OR4D1: variants seen among roughly 807,000 people sequenced by gnomAD.
The protein encoded by OR4D1 is olfactory receptor family 4 subfamily D member 1, also known as olfactory receptor 4D1.
OR4D1 carries 10 observed loss-of-function variants against 14.2 expected under a neutral mutation model. That is an observed-to-expected ratio of 0.71 (90% CI 0.44 to 1.20). The LOEUF is 1.20. OR4D1 is among the 50% of genes most tolerant of loss of function. The probability of loss-of-function intolerance (pLI) is 0.00; values close to 1 mark genes in which losing one functional copy is unlikely to be tolerated. For missense variants in OR4D1, 345 were observed against 376.6 expected (o/e 0.92, Z 0.70); for synonymous variants, 141 against 147.4 (o/e 0.96, Z 0.32).
Position 58,157,137 on chromosome 17 carries a change from T to G in OR4D1, c.*1051T>G, listed in dbSNP as rs941791346. The G allele has an allele frequency of 6.8e-6, 10 of 1,476,356 alleles. No homozygotes were observed. Among genetic ancestry groups the G allele is most frequent in the Non-Finnish European group, 9.0e-6 (10 of 1,109,246 alleles). 91.5% of individuals were successfully genotyped at this position (1,476,356 alleles called of 1,614,324 possible). A position where few individuals can be genotyped will look rare whatever the true frequency, so the allele number is the denominator to read the frequency against. ...CCGCGTCAAGGTCTCCAGCCTGCCC[T>G]ACAGTGTGGATGCGCTCGTGTCGGA... On this transcript the variant is annotated 3_prime_UTR_variant, in exon 4 of 4. Transcript: ENST00000268912.
Position 58,157,137 on chromosome 17 carries a change from T to C in OR4D1, c.*1051T>C, listed in dbSNP as rs941791346. The C allele has an allele frequency of 6.8e-7, 1 of 1,476,356 alleles. No homozygotes were observed. Among genetic ancestry groups the C allele is most frequent in the African/African-American group, 1.4e-5 (1 of 71,186 alleles). 91.5% of individuals were successfully genotyped at this position (1,476,356 alleles called of 1,614,324 possible). A position where few individuals can be genotyped will look rare whatever the true frequency, so the allele number is the denominator to read the frequency against. On this transcript the variant is annotated 3_prime_UTR_variant, in exon 4 of 4. Transcript: ENST00000268912. Reference sequence around the variant, plus strand: ...CCGCGTCAAGGTCTCCAGCCTGCCCTACAGTGTGGATGCGCTCGTGTCGGA... The same window carrying C: ...CCGCGTCAAGGTCTCCAGCCTGCCCCACAGTGTGGATGCGCTCGTGTCGGA...
chr17:58,157,680 G>C lies in OR4D1; in HGVS notation c.*1594G>C. The C allele has an allele frequency of 6.2e-7, 1 of 1,613,854 alleles. No homozygotes were observed. On this transcript the variant is annotated 3_prime_UTR_variant, in exon 4 of 4. Coordinates refer to ENST00000268912, the MANE Select transcript of OR4D1 (RefSeq NM_001386095.1). ...AGCTTCAGTCTCCCTTTCCCCATCA[G>C]CTCGCCCCTGCAGGCAGCGTCCATA... is the stretch of plus-strand genomic sequence containing the variant.
Position 58,158,716 on chromosome 17 carries a change from T to G in OR4D1, c.*2630T>G, listed in dbSNP as rs1364904301. ...TCACAGATTGCAAAGATTATTTGGG[T>G]GGGGGGGTACAGTAATTTTCTGCTT... is the stretch of plus-strand genomic sequence containing the variant. On this transcript the variant is annotated 3_prime_UTR_variant, in exon 4 of 4. Transcript: ENST00000268912. 1.3e-5 allele frequency: 2 copies of G among 151,982 alleles called. No homozygotes were observed. The highest frequency in any genetic ancestry group is 2.9e-5 in the Non-Finnish European group (2 of 67,970). The allele number at this position is 151,982 out of a possible 1,614,324, so 9.4% of individuals were successfully genotyped here. A position where few individuals can be genotyped will look rare whatever the true frequency, so the allele number is the denominator to read the frequency against.
intron 2 of OR4D1, among the ~76,000 whole-genome samples, chr17:58,150,921 T>G (rs921288577): frequency 1.2e-4 from 18 of 152,308 alleles, no homozygotes; most frequent in African/African-American, 3.8e-4. Flanking sequence ...GCTCTTACCT[T>G]TTCTTTTTCT....
rs969331377 is a variant in OR4D1 at position 58,157,349 on chromosome 17, A to G, written c.*1263A>G. The G allele has an allele frequency of 7.0e-7, 1 of 1,437,726 alleles. No homozygotes were observed. The highest frequency in any genetic ancestry group is 9.5e-7 in the Non-Finnish European group (1 of 1,055,576). The allele number at this position is 1,437,726 out of a possible 1,614,324, so 89.1% of individuals were successfully genotyped here. A position where few individuals can be genotyped will look rare whatever the true frequency, so the allele number is the denominator to read the frequency against. On this transcript the variant is annotated 3_prime_UTR_variant, in exon 4 of 4. Transcript: ENST00000268912. ...CCCTAAGACGGAGCGGCGTGGATGC[A>G]GGAACCCTGCTGATAATTCGCCGCC...
chr17:58,155,234 G>C lies in OR4D1; in HGVS notation c.81G>C (p.Leu27=). 1 of 1,614,154 alleles carries C rather than the reference G, an allele frequency of 6.2e-7. No individual in the cohort carries two copies. Among genetic ancestry groups the C allele is most frequent in the Non-Finnish European group, 8.5e-7 (1 of 1,180,016 alleles). Reference sequence around the variant, plus strand: ...AGACCCAAGAGCTCCAGAAATTCCTGTTCCTTCTGTTCCTGTTAGTCTATG... The same window carrying C: ...AGACCCAAGAGCTCCAGAAATTCCTCTTCCTTCTGTTCCTGTTAGTCTATG... ...FSQTQELQKF[L]FLLFLLVYVT... is the part of the protein sequence containing the mutation. Residue 27 remains leucine (L), a synonymous_variant, in exon 4 of 4, where the codon CTG becomes CTC. Coordinates refer to ENST00000268912, the MANE Select transcript of OR4D1 (RefSeq NM_001386095.1).
chr17:58,157,612 A>T lies in OR4D1; in HGVS notation c.*1526A>T. The T allele has an allele frequency of 6.2e-7, 1 of 1,613,764 alleles. No individual in the cohort carries two copies. The highest frequency in any genetic ancestry group is 8.5e-7 in the Non-Finnish European group (1 of 1,179,780). ...AGACGAAAAGACTGCAGGAGTCAGA[A>T]CTGGAAAAGCTGAAAATGGCTGCAA... On this transcript the variant is annotated 3_prime_UTR_variant, in exon 4 of 4. Transcript: ENST00000268912.
chr17:58,152,996 A>G (rs1413623532), intron 2 of OR4D1, among the ~76,000 whole-genome samples: 1 of 152,224 alleles, frequency 6.6e-6, no homozygotes, highest in African/African-American at 2.4e-5. Flanking sequence ...AGATAAAATA[A>G]TGAAGTATGC....
intron 2 of OR4D1, among the ~76,000 whole-genome samples, chr17:58,151,284 G>C (rs1967699629): frequency 6.6e-6 from 1 of 152,018 alleles, no homozygotes; most frequent in African/African-American, 2.4e-5. Context: ...TAAGTTCAGG[G>C]GTACATGTGC....
Position 58,156,945 on chromosome 17 carries a change from C to CA in OR4D1, c.*866dup, listed in dbSNP as rs1243303818. 7.5e-6 allele frequency: 5 copies of CA among 663,522 alleles called. No individual in the cohort carries two copies. Among genetic ancestry groups the CA allele is most frequent in the South Asian group, 3.2e-5 (2 of 62,926 alleles). The allele number at this position is 663,522 out of a possible 1,614,324, so 41.1% of individuals were successfully genotyped here. A position where few individuals can be genotyped will look rare whatever the true frequency, so the allele number is the denominator to read the frequency against. On this transcript the variant is annotated 3_prime_UTR_variant, in exon 4 of 4. Transcript: ENST00000268912. ...TTATCTCGCCCTCCCTCCTCCCCCA[C>CA]AAAAAAAGTTTGAGTCGCCGCTGCG... is the stretch of plus-strand genomic sequence containing the variant.
chr17:58,157,175 C>A lies in OR4D1; in HGVS notation c.*1089C>A. ...CGCTCGTGTCGGACAAGAAGCCGCC[C>A]AAGGAGGCATCCCCAGTGCCGGCCA... On this transcript the variant is annotated 3_prime_UTR_variant, in exon 4 of 4. Coordinates refer to ENST00000268912, the MANE Select transcript of OR4D1 (RefSeq NM_001386095.1). The A allele has an allele frequency of 6.8e-7, 1 of 1,462,414 alleles. No homozygotes were observed. Among genetic ancestry groups the A allele is most frequent in the Non-Finnish European group, 9.1e-7 (1 of 1,103,602 alleles). 90.6% of individuals were successfully genotyped at this position (1,462,414 alleles called of 1,614,324 possible).
intron 2 of OR4D1, among the ~76,000 whole-genome samples, chr17:58,150,608 G>C (rs1228847114): frequency 2.6e-5 from 4 of 152,208 alleles, no homozygotes; most frequent in African/African-American, 9.6e-5. Flanking sequence ...CACAGTGCCA[G>C]ATGGAGCTGA....
chr17:58,156,246 C>T lies in OR4D1; in HGVS notation c.*160C>T. 3 of 582,502 alleles carry T rather than the reference C, an allele frequency of 5.2e-6. No homozygotes were observed. Among genetic ancestry groups the T allele is most frequent in the Non-Finnish European group, 8.9e-6 (3 of 338,854 alleles). 36.1% of individuals were successfully genotyped at this position (582,502 alleles called of 1,614,324 possible). A position where few individuals can be genotyped will look rare whatever the true frequency, so the allele number is the denominator to read the frequency against. On this transcript the variant is annotated 3_prime_UTR_variant, in exon 4 of 4. Coordinates refer to ENST00000268912, the MANE Select transcript of OR4D1 (RefSeq NM_001386095.1). The stretch of plus-strand genomic sequence containing the variant: ...AAGTACTGTGTTAAGCACTTCCACG[C>T]TTTTTTTCTTTTTTTTTTTTTTTAG...
Position 58,157,451 on chromosome 17 carries a change from A to G in OR4D1, c.*1365A>G. ...TCCGAAGCCGCGCACAGCCTTTACC[A>G]CGTCCCAGCTCCTCGCTCTGGAGGG... is the stretch of plus-strand genomic sequence containing the variant. On this transcript the variant is annotated 3_prime_UTR_variant, in exon 4 of 4. Transcript: ENST00000268912. 2.7e-6 allele frequency: 3 copies of G among 1,100,052 alleles called. No individual in the cohort carries two copies. Among genetic ancestry groups the G allele is most frequent in the East Asian group, 2.4e-5 (1 of 41,694 alleles). 68.1% of individuals were successfully genotyped at this position (1,100,052 alleles called of 1,614,324 possible).
Position 58,157,388 on chromosome 17 carries a change from AGC to A in OR4D1, c.*1303_*1304del, listed in dbSNP as rs1967790405. 1 of 1,253,606 alleles carries A rather than the reference AGC, an allele frequency of 8.0e-7. No homozygotes were observed. The highest frequency in any genetic ancestry group is 1.9e-5 in the Admixed American group (1 of 51,568). 77.7% of individuals were successfully genotyped at this position (1,253,606 alleles called of 1,614,324 possible). A position where few individuals can be genotyped will look rare whatever the true frequency, so the allele number is the denominator to read the frequency against. ...TAATTCGCCGCCGCCAAGACACGTG[AGC>A]CCTACCACCTGCACCCTGAGAAAAC... On this transcript the variant is annotated 3_prime_UTR_variant, in exon 4 of 4. Coordinates refer to ENST00000268912, the MANE Select transcript of OR4D1 (RefSeq NM_001386095.1).
rs1567779589 is a variant in OR4D1, at chr17:58,155,602, TG to T, written c.455del (p.Gly152AlafsTer11). 1 of 1,614,058 alleles carries T rather than the reference TG, an allele frequency of 6.2e-7. No individual in the cohort carries two copies. Among genetic ancestry groups the T allele is most frequent in the Admixed American group, 1.7e-5 (1 of 59,996 alleles). Reference protein sequence around the residue: ...LCVGLVVAAWVGGFVHSIVQL... With the variant: ...LCVGLVVAAWXGGFVHSIVQL... ...GTGGGCCTGGTAGTAGCCGCCTGGG[TG>T]GGGGGCTTTGTCCACTCCATTGTCC... On this transcript the variant is annotated frameshift_variant, in exon 4 of 4. Coordinates refer to ENST00000268912, the MANE Select transcript of OR4D1 (RefSeq NM_001386095.1). LOFTEE classifies it high-confidence loss of function.
chr17:58,157,633 T>G lies in OR4D1; in HGVS notation c.*1547T>G. 1.9e-6 allele frequency: 3 copies of G among 1,613,820 alleles called. No individual in the cohort carries two copies. Among genetic ancestry groups the G allele is most frequent in the Non-Finnish European group, 2.5e-6 (3 of 1,179,860 alleles). On this transcript the variant is annotated 3_prime_UTR_variant, in exon 4 of 4. Coordinates refer to ENST00000268912, the MANE Select transcript of OR4D1 (RefSeq NM_001386095.1). The stretch of plus-strand genomic sequence containing the variant: ...CAGAACTGGAAAAGCTGAAAATGGC[T>G]GCAAAACCTATGCTACCCTCCAGCT...
Position 58,155,729 on chromosome 17 carries a change from C to G in OR4D1, c.576C>G (p.Thr192=). The part of the protein sequence containing the change: ...PQVLRLACTD[T]SLLEFLMISN... ...TACTGAGACTTGCCTGCACTGATACCTCCCTCCTGGAGTTCCTCATGATCT... is the reference window on the plus strand; with the variant it reads ...TACTGAGACTTGCCTGCACTGATACGTCCCTCCTGGAGTTCCTCATGATCT... The change falls in exon 4 of 4, where the codon ACC becomes ACG. Residue 192 remains threonine, a synonymous_variant. Transcript: ENST00000268912. 1 of 1,614,128 alleles carries G rather than the reference C, an allele frequency of 6.2e-7. No homozygotes were observed. The highest frequency in any genetic ancestry group is 8.5e-7 in the Non-Finnish European group (1 of 1,179,984).
Position 58,157,045 on chromosome 17 carries a change from A to T in OR4D1, c.*959A>T. ...TGGCTTCTGTTTTCGTCCAATGAGA[A>T]GGGGCCAGCGGTGGCGGTCGGGCCA... On this transcript the variant is annotated 3_prime_UTR_variant, in exon 4 of 4. Transcript: ENST00000268912. The T allele has an allele frequency of 8.5e-7, 1 of 1,176,226 alleles. No homozygotes were observed. The highest frequency in any genetic ancestry group is 1.2e-6 in the Non-Finnish European group (1 of 829,350). 72.9% of individuals were successfully genotyped at this position (1,176,226 alleles called of 1,614,324 possible).
Sources: gnomAD v4.1 joint callset for allele counts (sites outside exome capture counted in the v4.1 genomes callset) on GRCh38, gnomAD v4.1.1 for gene constraint, MANE v1.5 for transcripts, NCBI Gene and HGNC (gene_info 2026-07-23, HGNC 2026-07-21) for gene names.